Variants in GLI3 observed in about 807,000 individuals in gnomAD.
GLI3 encodes the protein GLI family zinc finger 3.
Under a neutral mutation model 100.8 loss-of-function variants are expected in GLI3, and 20 were observed. The ratio of observed to expected loss-of-function variants is 0.20; its 90% CI spans 0.14 to 0.29. The LOEUF (loss-of-function observed/expected upper bound fraction) is 0.29. GLI3 is among the 10% of genes least tolerant of loss of function. The pLI, the probability that GLI3 is intolerant of heterozygous loss-of-function variation, is 1.00. For missense variants in GLI3, 2,040 were observed against 2,128.5 expected, an observed-to-expected ratio of 0.96 and a Z score of 0.82; for synonymous variants, 938 against 860.5, an observed-to-expected ratio of 1.09 and a Z score of -1.58.
chr7:42,118,347 T>C, intron 3 of GLI3: 1 of 398,610 alleles, frequency 2.5e-6, no homozygotes, highest in Non-Finnish European at 4.4e-6. Flanking sequence ...AAAGACAATA[T>C]ACTTATCCTC....
intron 1 of GLI3, among the ~76,000 whole-genome samples, chr7:42,255,913 T>G (rs1342198519): frequency 6.6e-6 from 1 of 152,238 alleles, no homozygotes; most frequent in Non-Finnish European, 1.5e-5. Flanking sequence ...GCCATACCAT[T>G]CTGCATTATG....
chr7:42,026,730 G>T (rs1789126523), intron 7 of GLI3, among the ~76,000 whole-genome samples: 1 of 152,212 alleles, frequency 6.6e-6, no homozygotes, highest in East Asian at 1.9e-4. Context: ...GTGACTACAT[G>T]CTTTATAGGA....
At chr7:42,038,249 G>C (rs1784057127) in intron 7 of GLI3, among the ~76,000 whole-genome samples, 1 of 152,160 alleles carries the variant, frequency 6.6e-6, no homozygotes, top group Non-Finnish European at 1.5e-5. Flanking sequence ...CTTCCTCGGG[G>C]CCAGACTGGG....
intron 10 of GLI3, among the ~76,000 whole-genome samples, chr7:42,004,437 A>C (rs894924371): frequency 1.3e-5 from 2 of 152,210 alleles, no homozygotes; most frequent in African/African-American, 2.4e-5. Context: ...GTATTCAATA[A>C]GTTGATTGCA....
At chr7:42,038,643 T>G (rs755652422) in intron 7 of GLI3, among the ~76,000 whole-genome samples, 1 of 152,214 alleles carries the variant, frequency 6.6e-6, no homozygotes, top group Non-Finnish European at 1.5e-5. Context: ...TATCCACGTT[T>G]CCACACTTCA....
At chr7:42,167,309 T>G (rs1242890534) in intron 2 of GLI3, among the ~76,000 whole-genome samples, 1 of 152,312 alleles carries the variant, frequency 6.6e-6, no homozygotes, top group African/African-American at 2.4e-5. Flanking sequence ...CAAACTACCA[T>G]ACTACAGAAT....
intron 1 of GLI3, among the ~76,000 whole-genome samples, chr7:42,229,246 CTTTT>C (rs1157434532): frequency 6.6e-6 from 1 of 152,116 alleles, no homozygotes; most frequent in Non-Finnish European, 1.5e-5. Flanking sequence ...ACTCTCTTCT[CTTTT>C]TTTTCTTAGT....
intron 1 of GLI3, among the ~76,000 whole-genome samples, chr7:42,244,166 A>C (rs1192117254): frequency 6.6e-6 from 1 of 152,210 alleles, no homozygotes; most frequent in Non-Finnish European, 1.5e-5. Context: ...TGAAATATAC[A>C]AAGGCACCAG....
chr7:42,031,815 T>C (rs961155931), intron 7 of GLI3, among the ~76,000 whole-genome samples: 35 of 152,102 alleles, frequency 2.3e-4, no homozygotes, highest in Admixed American at 8.5e-4. Flanking sequence ...CATATTCAGC[T>C]CTGAGCTCAG....
intron 3 of GLI3, among the ~76,000 whole-genome samples, chr7:42,138,975 G>A (rs1043483354): frequency 6.6e-6 from 1 of 152,178 alleles, no homozygotes; most frequent in Non-Finnish European, 1.5e-5. Flanking sequence ...GTCCTGGCTG[G>A]ATTGCAGGCT....
At chr7:42,179,399 G>A (rs1787547184) in intron 2 of GLI3, among the ~76,000 whole-genome samples, 1 of 152,198 alleles carries the variant, frequency 6.6e-6, no homozygotes, top group Non-Finnish European at 1.5e-5. Context: ...GGGACAGAGT[G>A]TGCTGCCCAA....
chr7:42,208,758 A>C (rs1301073537), intron 2 of GLI3, among the ~76,000 whole-genome samples: 1 of 152,234 alleles, frequency 6.6e-6, no homozygotes, highest in Non-Finnish European at 1.5e-5. Flanking sequence ...AGGATGTTCA[A>C]GAGGTTTGAA....
intron 10 of GLI3, among the ~76,000 whole-genome samples, chr7:42,004,706 G>A (rs999193730): frequency 1.3e-4 from 20 of 152,122 alleles, no homozygotes; most frequent in African/African-American, 4.8e-4. Context: ...TGAAGTCCTG[G>A]GCTCAAGCGA....
At chr7:42,063,783 G>A (rs1331057967) in intron 4 of GLI3, among the ~76,000 whole-genome samples, 2 of 152,154 alleles carry the variant, frequency 1.3e-5, no homozygotes, top group Non-Finnish European at 2.9e-5. Context: ...GATATAAAAT[G>A]GTATTGAATG....
chr7:42,003,167 TAC>T (rs1788356695), intron 10 of GLI3, among the ~76,000 whole-genome samples: 1 of 152,154 alleles, frequency 6.6e-6, no homozygotes, highest in South Asian at 2.1e-4. Flanking sequence ...CAAATATAAT[TAC>T]AGACTATTTT....
chr7:42,183,973 A>G (rs1787669490), intron 2 of GLI3, among the ~76,000 whole-genome samples: 1 of 152,186 alleles, frequency 6.6e-6, no homozygotes, highest in South Asian at 2.1e-4. Context: ...CAGCTCCGAC[A>G]CTGGCCATGG....
At chr7:42,019,611 C>T (rs755569613) in intron 10 of GLI3, among the ~76,000 whole-genome samples, 6 of 151,890 alleles carry the variant, frequency 4.0e-5, no homozygotes, top group African/African-American at 7.3e-5. Flanking sequence ...CTCAGAAACA[C>T]ATTTGAAGTT....
chr7:42,051,768 T>C (rs951557160), intron 4 of GLI3, among the ~76,000 whole-genome samples: 2 of 152,086 alleles, frequency 1.3e-5, no homozygotes, highest in Non-Finnish European at 2.9e-5. Context: ...AGCCTCTACA[T>C]ATAAATAGCC....
intron 3 of GLI3, among the ~76,000 whole-genome samples, chr7:42,085,124 C>T (rs1371559293): frequency 6.6e-6 from 1 of 151,768 alleles, no homozygotes; most frequent in Non-Finnish European, 1.5e-5. Flanking sequence ...GTGAGCCAGG[C>T]TGGTCTCGAA....
Sources: gnomAD v4.1 joint callset for allele counts (sites outside exome capture counted in the v4.1 genomes callset) on GRCh38, gnomAD v4.1.1 for gene constraint, MANE v1.5 for transcripts, NCBI Gene and HGNC (gene_info 2026-07-23, HGNC 2026-07-21) for gene names.